STARD10: variants seen among roughly 807,000 people sequenced by gnomAD.
The protein encoded by STARD10 is START domain-containing protein 10.
STARD10 carries 24 observed loss-of-function variants against 36.0 expected under a neutral mutation model. The ratio of observed to expected loss-of-function variants is 0.67; its 90% confidence interval spans 0.48 to 0.94. The LOEUF (loss-of-function observed/expected upper bound fraction) is 0.94, where lower values mean the gene tolerates loss of function less well. Among genes scored for constraint, STARD10 ranks in the 40% least tolerant of loss-of-function variants. The probability of loss-of-function intolerance (pLI) is 0.00; values close to 1 mark genes in which losing one functional copy is unlikely to be tolerated. For synonymous variants in STARD10, 156 were observed against 161.9 expected, an observed-to-expected ratio of 0.96 and a Z score of 0.28; for missense variants, 335 against 396.6, an observed-to-expected ratio of 0.84 and a Z score of 1.32.
In STARD10 at chr11:72,792,918, C is replaced by T. The variant is rs1484822114; in HGVS notation, c.-157G>A. 1 of 152,818 alleles carries T rather than the reference C, an allele frequency of 6.5e-6. No individual in the cohort carries two copies. The highest frequency in any genetic ancestry group is 2.4e-5 in the African/African-American group (1 of 41,466). The allele number at this position is 152,818 out of a possible 1,614,324, so 9.5% of individuals were successfully genotyped here. On this transcript the variant is annotated 5_prime_UTR_variant, in exon 1 of 7. Transcript: ENST00000334805. ...ACAGCTCCAGCAACACTCTCCTCTT[C>T]CTCCAGAATTCTCCAGATCCTCCTC...
chr11:72,758,261 G>C (rs1430871941), intron 4 of STARD10, among the ~76,000 whole-genome samples: 1 of 152,180 alleles, frequency 6.6e-6, no homozygotes, highest in African/African-American at 2.4e-5. Flanking sequence ...CTCACCTCTT[G>C]TTCCTCATTT....
chr11:72,754,928 TCGCCGCCCG>T lies in STARD10; in HGVS notation c.836_844del (p.Ala279_Gly281del), dbSNP rs770220463. The T allele has an allele frequency of 2.1e-5, 34 of 1,601,228 alleles. No homozygotes were observed. Among genetic ancestry groups the T allele is most frequent in the South Asian group, 1.7e-4 (15 of 90,444 alleles). ...GAGCGAGGTGTCGTCGTCGCTGCCC[TCGCCGCCCG>T]CGCCGCCCATCCGCTCCTCTCTGCT... On this transcript the variant is annotated inframe_deletion, in exon 7 of 7. Transcript: ENST00000334805.
At chr11:72,765,681 C>A (rs991792983) in intron 2 of STARD10, among the ~76,000 whole-genome samples, 33 of 152,064 alleles carry the variant, frequency 2.2e-4, no homozygotes, top group African/African-American at 7.5e-4. Flanking sequence ...AGTAAATACT[C>A]AAAAATAGGC....
At chr11:72,780,431 T>A in intron 2 of STARD10, 1 of 452,110 alleles carries the variant, frequency 2.2e-6, no homozygotes. Flanking sequence ...CCAGCCACAA[T>A]CCTGAGTCCC....
chr11:72,755,869 G>A (rs1428632408), intron 5 of STARD10, 116 bp from the exon 6 acceptor site: 12 of 957,822 alleles, frequency 1.3e-5, no homozygotes, highest in Non-Finnish European at 1.7e-5. Flanking sequence ...CCCATGAGGA[G>A]GAGGTGTGTG....
In STARD10 at chr11:72,754,846, C is replaced by A. The variant is rs542069314; in HGVS notation, c.*51G>T. On this transcript the variant is annotated 3_prime_UTR_variant, in exon 7 of 7. Coordinates refer to ENST00000334805, the MANE Select transcript of STARD10 (RefSeq NM_006645.3). ...AGGGGAGAAAGTGCAGGAGCGGCCG[C>A]CGCCCCAGGGCTCGCCCGGTCCTGT... is the stretch of plus-strand genomic sequence containing the variant. 1.0e-5 allele frequency: 16 copies of A among 1,564,906 alleles called. No individual in the cohort carries two copies. In the Admixed American group the frequency reaches 1.2e-4, roughly 12 times the overall value.
intron 1 of STARD10, among the ~76,000 whole-genome samples, chr11:72,787,660 C>T (rs996997217): frequency 2.0e-5 from 3 of 152,198 alleles, no homozygotes; most frequent in South Asian, 2.1e-4. Context: ...TCCAAAAGCC[C>T]GGGAGTTTCC....
Position 72,781,543 on chromosome 11 carries a change from A to AGG in STARD10, c.-113-251_-113-250dup, listed in dbSNP as rs966948143. On this transcript the variant is annotated intron_variant, in intron 1 of 6. Coordinates refer to ENST00000334805, the MANE Select transcript of STARD10 (RefSeq NM_006645.3). This position sits in a 1 kb window ranked among gnomAD's most constrained non-coding sequence, Gnocchi z 4.7. ...GGACCCAGGGACTGGCCGGGACCCGAGGGGAGGGACGGTGCGGCGGGGCCC... is the reference window on the plus strand; with the variant it reads ...GGACCCAGGGACTGGCCGGGACCCGAGGGGGGAGGGACGGTGCGGCGGGGCCC... The AGG allele has an allele frequency of 1.3e-5, 2 of 155,042 alleles. No homozygotes were observed. The highest frequency in any genetic ancestry group is 6.0e-5 in the African/African-American group (2 of 33,578). The allele number at this position is 155,042 out of a possible 1,614,324, so 9.6% of individuals were successfully genotyped here. A position where few individuals can be genotyped will look rare whatever the true frequency, so the allele number is the denominator to read the frequency against.
chr11:72,782,049 G>A (rs1345350239), intron 1 of STARD10, among the ~76,000 whole-genome samples: 2 of 152,118 alleles, frequency 1.3e-5, no homozygotes, highest in Non-Finnish European at 2.9e-5. Flanking sequence ...TGGGCTCTGC[G>A]AGGAAGGGCC....
chr11:72,771,096 TA>T (rs1858850721), intron 2 of STARD10, among the ~76,000 whole-genome samples: 2 of 152,204 alleles, frequency 1.3e-5, no homozygotes, highest in Non-Finnish European at 2.9e-5. Context: ...TACTCATTGG[TA>T]AATGGTGGCT....
chr11:72,784,413 C>G (rs1377743341), intron 1 of STARD10, among the ~76,000 whole-genome samples: 1 of 152,178 alleles, frequency 6.6e-6, no homozygotes, highest in Non-Finnish European at 1.5e-5. Flanking sequence ...ATAATAATAC[C>G]TATCCTCTGA....
At chr11:72,759,623 T>C (rs1173789872) in intron 2 of STARD10, among the ~76,000 whole-genome samples, 1 of 152,106 alleles carries the variant, frequency 6.6e-6, no homozygotes, top group Non-Finnish European at 1.5e-5. Flanking sequence ...CAGCCCAGTC[T>C]CCTCCTCCAG....
chr11:72,780,288 T>A, intron 2 of STARD10: 1 of 389,970 alleles, frequency 2.6e-6, no homozygotes, highest in Non-Finnish European at 5.3e-6. Flanking sequence ...GGGAGATGGC[T>A]GTGAGCGACT....
intron 2 of STARD10, among the ~76,000 whole-genome samples, chr11:72,772,715 G>T (rs78193868): frequency 6.2e-4 from 95 of 152,040 alleles, no homozygotes; most frequent in African/African-American, 2.2e-3. Context: ...ACTCCAAAAT[G>T]TCCTCCCCAC....
chr11:72,775,045 C>A (rs1858912843), intron 2 of STARD10, among the ~76,000 whole-genome samples: 1 of 152,182 alleles, frequency 6.6e-6, no homozygotes, highest in African/African-American at 2.4e-5. Flanking sequence ...AGGGACACAG[C>A]CTGGAGGCAC....
chr11:72,758,545 G>A lies in STARD10; in HGVS notation c.444C>T (p.Tyr148=), dbSNP rs369550876. The A allele has an allele frequency of 5.6e-6, 9 of 1,613,776 alleles. No homozygotes were observed. In the African/African-American group the frequency reaches 6.7e-5, roughly 12 times the overall value. ...PMGADYIIMN[Y]SVKHPKYPPR... ...GTTGACTCACGGGATGTTTGACTGA[G>A]TAGTTCATAATGATGTAATCAGCGC... The change falls in exon 4 of 7, where the codon TAC becomes TAT. Residue 148 remains tyrosine, a synonymous_variant. Coordinates refer to ENST00000334805, the MANE Select transcript of STARD10 (RefSeq NM_006645.3).
rs772174436 is a variant in STARD10 at position 72,759,396 on chromosome 11, T to C, written c.208-15A>G. On this transcript the variant is annotated splice_polypyrimidine_tract_variant and intron_variant, in intron 2 of 6. Transcript: ENST00000334805. Reference sequence around the variant, plus strand: ...TCCATCCGGCACTGCAGACAAGATATATGGGTTGTCAGGATCATATGGGGC... The same window carrying C: ...TCCATCCGGCACTGCAGACAAGATACATGGGTTGTCAGGATCATATGGGGC... 3.7e-6 allele frequency: 6 copies of C among 1,613,818 alleles called. No homozygotes were observed. Among genetic ancestry groups the C allele is most frequent in the African/African-American group, 2.7e-5 (2 of 74,836 alleles).
chr11:72,781,346 G>C lies in STARD10; in HGVS notation c.-113-52C>G. 1.6e-6 allele frequency: 1 copy of C among 625,146 alleles called. No individual in the cohort carries two copies. The highest frequency in any genetic ancestry group is 2.7e-5 in the East Asian group (1 of 36,402). The allele number at this position is 625,146 out of a possible 1,614,324, so 38.7% of individuals were successfully genotyped here. On this transcript the variant is annotated intron_variant, in intron 1 of 6. Transcript: ENST00000334805. The surrounding 1 kb of genome is among the most constrained non-coding windows in gnomAD (Gnocchi z 4.7). ...TCAGTGCGCTGGGGGCGCGGGTGGG[G>C]CTGTTCGGGGTCCTGGCGGGTGGGG... is the stretch of plus-strand genomic sequence containing the variant.
In STARD10 at chr11:72,765,816, C is replaced by CAA. The variant is rs752801080; in HGVS notation, c.208-6437_208-6436dup. Among the ~76,000 whole-genome samples, 268 of 118,188 alleles carry CAA rather than the reference C, an allele frequency of 2.3e-3. 8 individuals carry two copies. Among genetic ancestry groups the CAA allele is most frequent in the African/African-American group, 8.4e-3 (241 of 28,752 alleles). 77.5% of individuals were successfully genotyped at this position (118,188 alleles called of 152,430 possible). Reference sequence around the variant, plus strand: ...TGAAAACCTGTCTCTACTAAAAATACAAAAAAAAAAAAAAATTAGCTGGGT... The same window carrying CAA: ...TGAAAACCTGTCTCTACTAAAAATACAAAAAAAAAAAAAAAAATTAGCTGGGT... On this transcript the variant is annotated intron_variant, in intron 2 of 6. Coordinates refer to ENST00000334805, the MANE Select transcript of STARD10 (RefSeq NM_006645.3).
Sources: gnomAD v4.1 joint callset for allele counts (sites outside exome capture counted in the v4.1 genomes callset) on GRCh38, gnomAD v4.1.1 for gene constraint, Gnocchi (gnomAD v3.1) non-coding constraint, MANE v1.5 for transcripts, NCBI Gene and HGNC (gene_info 2026-07-23, HGNC 2026-07-21) for gene names.